Variants in ABCA4 observed in about 807,000 individuals in gnomAD.
ABCA4 encodes ATP binding cassette subfamily A member 4, also known as retinal-specific phospholipid-transporting ATPase ABCA4.
A neutral mutation model predicts 263.7 loss-of-function variants in ABCA4; 196 were observed. The ratio of observed to expected loss-of-function variants is 0.74; its 90% CI spans 0.66 to 0.84. ABCA4 has a LOEUF of 0.84. Ranked by LOEUF, ABCA4 falls within the 40% of genes least tolerant of loss-of-function variation. ABCA4 has a pLI of 0.00. For missense variants in ABCA4, 2,792 were observed against 2,855.1 expected (o/e 0.98, Z 0.50); for synonymous variants, 1,133 against 1,094.2 (o/e 1.04, Z -0.70).
In ABCA4 at chr1:94,121,070, T is replaced by A; in HGVS notation, c.-25A>T. ...TGCTAATGACCACACGAAGACCAGA[T>A]TGGTCAGAGCTGAGGCCCCTCAGAC... is the stretch of plus-strand genomic sequence containing the variant. On this transcript the variant is annotated 5_prime_UTR_variant, in exon 1 of 50. Transcript: ENST00000370225. 6.2e-7 allele frequency: 1 copy of A among 1,613,162 alleles called. No individual in the cohort carries two copies. Among genetic ancestry groups the A allele is most frequent in the Non-Finnish European group, 8.5e-7 (1 of 1,179,132 alleles).
At chr1:94,079,608 C>T (rs1661635086) in intron 8 of ABCA4, 147 bp from the exon 9 acceptor site, 5 of 1,145,094 alleles carry the variant, frequency 4.4e-6, no homozygotes, top group South Asian at 1.3e-5. Flanking sequence ...TGTACCCCAC[C>T]AATAACAAGC....
In ABCA4 at chr1:94,036,759, A is replaced by G; in HGVS notation, c.3843T>C (p.Asp1281=). 7 of 1,613,076 alleles carry G rather than the reference A, an allele frequency of 4.3e-6. No homozygotes were observed. Among genetic ancestry groups the G allele is most frequent in the Non-Finnish European group, 5.9e-6 (7 of 1,179,018 alleles). Residue 1281 remains aspartate (D), a synonymous_variant, in exon 26 of 50, where the codon GAT becomes GAC. Coordinates refer to ENST00000370225, the MANE Select transcript of ABCA4 (RefSeq NM_000350.3). ...EIFLKVTEDS[D]SGPLFAGGAQ... is the part of the protein sequence containing the mutation. ...CCATACCCGCAAACAGAGGTCCTGA[A>G]TCAGAATCCTCCGTGACCTTCAGAA...
At chr1:94,076,254 T>G (rs1661533512) in intron 11 of ABCA4, among the ~76,000 whole-genome samples, 1 of 152,152 alleles carries the variant, frequency 6.6e-6, no homozygotes, top group Non-Finnish European at 1.5e-5. Context: ...CTAGGAGCAT[T>G]GCTTCTGCTA....
rs902542806 is a variant in ABCA4 at position 93,993,139 on chromosome 1, G to A, written c.*98C>T. The A allele has an allele frequency of 1.6e-5, 25 of 1,516,434 alleles. No individual in the cohort carries two copies. The highest frequency in any genetic ancestry group is 1.4e-4 in the Admixed American group (8 of 59,252). The allele number at this position is 1,516,434 out of a possible 1,614,324, so 93.9% of individuals were successfully genotyped here. Reference sequence around the variant, plus strand: ...TTTCTGCTGCAGTGGGGTCATTTACGCTGGCCAGTCCATTTGGATGACCAT... The same window carrying A: ...TTTCTGCTGCAGTGGGGTCATTTACACTGGCCAGTCCATTTGGATGACCAT... On this transcript the variant is annotated 3_prime_UTR_variant, in exon 50 of 50. Transcript: ENST00000370225.
intron 1 of ABCA4, among the ~76,000 whole-genome samples, chr1:94,120,165 T>G (rs1371723204): frequency 1.3e-5 from 2 of 152,242 alleles, no homozygotes; most frequent in African/African-American, 4.8e-5. Flanking sequence ...TTCTCTGATC[T>G]CCGGCACCTT....
At chr1:94,044,254 C>T (rs781750579) in intron 20 of ABCA4, among the ~76,000 whole-genome samples, 25 of 152,284 alleles carry the variant, frequency 1.6e-4, no homozygotes, top group Admixed American at 2.6e-4. Flanking sequence ...CCTTTCAGGC[C>T]GTGGCTTCAA....
chr1:94,055,041 C>A, intron 16 of ABCA4, 70 bp downstream of exon 16: 1 of 1,418,614 alleles, frequency 7.0e-7, no homozygotes, highest in Non-Finnish European at 9.9e-7. Flanking sequence ...GAAATTTAAA[C>A]TAGATGAATG....
chr1:94,097,831 G>C (rs1662168203), intron 6 of ABCA4, among the ~76,000 whole-genome samples: 2 of 152,134 alleles, frequency 1.3e-5, no homozygotes, highest in Middle Eastern at 3.2e-3. Context: ...CTCACTGCAA[G>C]CTCCGCCTCC....
In ABCA4 at chr1:94,040,441, G is replaced by A. The variant is rs533838471; in HGVS notation, c.3523-314C>T. Reference sequence around the variant, plus strand: ...GGAGACATTCTGTGCCTCCCTCCCCGTGGATGGACATAGGAAACCCCAGCG... The same window carrying A: ...GGAGACATTCTGTGCCTCCCTCCCCATGGATGGACATAGGAAACCCCAGCG... On this transcript the variant is annotated intron_variant, in intron 23 of 49. Coordinates refer to ENST00000370225, the MANE Select transcript of ABCA4 (RefSeq NM_000350.3). Among the ~76,000 whole-genome samples the A allele has an allele frequency of 1.3e-3, 194 of 152,194 alleles. 1 individual carries two copies. Among genetic ancestry groups the A allele is most frequent in the African/African-American group, 4.3e-3 (180 of 41,520 alleles).
At chr1:94,027,021 AAAGAGT>A (rs1660059263) in intron 30 of ABCA4, among the ~76,000 whole-genome samples, 1 of 151,982 alleles carries the variant, frequency 6.6e-6, no homozygotes, top group South Asian at 2.1e-4. Flanking sequence ...AGTGAGAGAT[AAAGAGT>A]AAGAGATAGA....
chr1:94,096,403 T>G (rs1345437488), intron 6 of ABCA4, among the ~76,000 whole-genome samples: 1 of 151,976 alleles, frequency 6.6e-6, no homozygotes, highest in Non-Finnish European at 1.5e-5. Context: ...TGGCTGTGAG[T>G]TCAGTGAGGG....
intron 6 of ABCA4, among the ~76,000 whole-genome samples, chr1:94,093,752 C>T (rs887485356): frequency 6.6e-6 from 1 of 152,244 alleles, no homozygotes; most frequent in African/African-American, 2.4e-5. Context: ...CCAGTAGGCT[C>T]AATGTGCACG....
At chr1:93,997,497 T>C (rs928836597) in intron 48 of ABCA4, among the ~76,000 whole-genome samples, 4 of 151,724 alleles carry the variant, frequency 2.6e-5, no homozygotes, top group African/African-American at 9.7e-5. Flanking sequence ...CTTAAACTCC[T>C]GGGCTCAAGT....
chr1:94,002,962 C>A (rs547582265), intron 44 of ABCA4, among the ~76,000 whole-genome samples: 4 of 150,446 alleles, frequency 2.7e-5, no homozygotes, highest in Non-Finnish European at 5.9e-5. Context: ...AAAAATAGTT[C>A]ATAGAATTAT....
chr1:94,006,924 A>G (rs1372277704), intron 43 of ABCA4, among the ~76,000 whole-genome samples: 4 of 152,238 alleles, frequency 2.6e-5, no homozygotes, highest in Non-Finnish European at 5.9e-5. Flanking sequence ...CAGCCAGGAA[A>G]GAGGCAGATG....
At chr1:94,000,227 G>A (rs1039122158) in intron 47 of ABCA4, among the ~76,000 whole-genome samples, 10 of 152,296 alleles carry the variant, frequency 6.6e-5, no homozygotes, top group African/African-American at 2.2e-4. Context: ...ATATCAGAAC[G>A]TGAATGAGCA....
intron 45 of ABCA4, chr1:94,001,445 G>A (rs1446170949): frequency 1.8e-5 from 9 of 498,248 alleles, no homozygotes; most frequent in Non-Finnish European, 3.3e-5. Flanking sequence ...CTTGGTTCCC[G>A]CTATGTCCTG....
At position 94,043,483 on chromosome 1, in the gene ABCA4, G is replaced by A. The variant is rs1224907119; in HGVS notation, c.3051-8C>T. On this transcript the variant is annotated splice_region_variant and splice_polypyrimidine_tract_variant and intron_variant, in intron 20 of 49. Coordinates refer to ENST00000370225, the MANE Select transcript of ABCA4 (RefSeq NM_000350.3). ...TGCTCAGCCACCGTGAGGCTAGGAG[G>A]ATGGGACAACGAGAAAAGCAGTGGC... The A allele has an allele frequency of 1.2e-6, 2 of 1,614,138 alleles. No individual in the cohort carries two copies. Among genetic ancestry groups the A allele is most frequent in the Non-Finnish European group, 1.7e-6 (2 of 1,180,030 alleles).
At chr1:94,014,717 G>C in intron 37 of ABCA4, 27 bp from the exon 38 acceptor site, 1 of 1,613,958 alleles carries the variant, frequency 6.2e-7, no homozygotes, top group Non-Finnish European at 8.5e-7. Context: ...AACTCAGAGT[G>C]ATGGAGTTCC....
Sources: allele counts gnomAD v4.1 joint callset (sites outside exome capture counted in the v4.1 genomes callset), GRCh38; gene constraint gnomAD v4.1.1; transcripts MANE v1.5; gene names NCBI Gene and HGNC (gene_info 2026-07-23, HGNC 2026-07-21).